Variants in ROCK2 observed in about 807,000 individuals in gnomAD.
ROCK2 encodes Rho associated coiled-coil containing protein kinase 2, also known as rho-associated protein kinase 2.
ROCK2 carries 61 observed loss-of-function variants against 195.1 expected under a neutral mutation model. The ratio of observed to expected loss-of-function variants is 0.31; its 90% CI spans 0.25 to 0.39. The LOEUF is 0.39. Among genes scored for constraint, ROCK2 ranks in the 10% least tolerant of loss-of-function variants. ROCK2 has a pLI of 1.00. For missense variants in ROCK2, 1,109 were observed against 1,637.4 expected, an observed-to-expected ratio of 0.68 and a Z score of 5.57; for synonymous variants, 504 against 545.5, an observed-to-expected ratio of 0.92 and a Z score of 1.06.
Position 11,215,536 on chromosome 2 carries a change from T to C in ROCK2, c.1571A>G (p.Asp524Gly). 1 of 1,611,488 alleles carries C rather than the reference T, an allele frequency of 6.2e-7. No individual in the cohort carries two copies. The highest frequency in any genetic ancestry group is 8.5e-7 in the Non-Finnish European group (1 of 1,179,384). Residue 524 changes from aspartate (D) to glycine (G), a missense_variant, in exon 14 of 33, where the codon GAC (aspartate) becomes GGC (glycine). Transcript: ENST00000315872. ...ATCATTTTCCAAATTTCGTTTTTTGTCTGCTTCATGATCAGCTTTCCTCTG... is the reference window on the plus strand; with the variant it reads ...ATCATTTTCCAAATTTCGTTTTTTGCCTGCTTCATGATCAGCTTTCCTCTG... Reference protein sequence around the residue: ...EYQRKADHEADKKRNLENDVN... With the variant: ...EYQRKADHEAGKKRNLENDVN...
intron 7 of ROCK2, 67 bp downstream of exon 7, chr2:11,224,255 G>C: frequency 1.4e-6 from 2 of 1,397,780 alleles, no homozygotes; most frequent in Non-Finnish European, 2.0e-6. Context: ...TAATAAGCTA[G>C]GCATGCTTTT....
intron 1 of ROCK2, among the ~76,000 whole-genome samples, chr2:11,299,091 ACT>A (rs1408942087): frequency 6.6e-6 from 1 of 151,702 alleles, no homozygotes; most frequent in African/African-American, 2.4e-5. Context: ...ACATGGCTAA[ACT>A]CTGTCTCTAC....
At chr2:11,296,952 T>C (rs1241171552) in intron 1 of ROCK2, among the ~76,000 whole-genome samples, 2 of 152,160 alleles carry the variant, frequency 1.3e-5, no homozygotes, top group African/African-American at 2.4e-5. Context: ...TTCAGTCTTA[T>C]TTTAAGTTTA....
chr2:11,339,764 A>G (rs1050756829), intron 1 of ROCK2, among the ~76,000 whole-genome samples: 1 of 152,212 alleles, frequency 6.6e-6, no homozygotes, highest in African/African-American at 2.4e-5. Context: ...AGATACACAC[A>G]AATGTAGTAA....
At chr2:11,310,037 T>A (rs950323574) in intron 1 of ROCK2, among the ~76,000 whole-genome samples, 5 of 152,178 alleles carry the variant, frequency 3.3e-5, no homozygotes, top group African/African-American at 1.2e-4. Context: ...TTTGAGAGAT[T>A]TCTATGAATG....
rs201356070 is a variant in ROCK2, at chr2:11,185,586, GGGCATGGT to G, written c.4164-2154_4164-2147del. Among the ~76,000 whole-genome samples, 297 of 152,110 alleles carry G rather than the reference GGGCATGGT, an allele frequency of 2.0e-3. 9 individuals are homozygous for G. In the East Asian group the frequency reaches 0.047, roughly 24 times the overall value. On this transcript the variant is annotated intron_variant, in intron 32 of 32. Transcript: ENST00000315872. ...TCTACTAAAAATACAAAAATTAGCT[GGGCATGGT>G]GGCAGGTGCCTGTAATCACAGCTAC...
intron 1 of ROCK2, among the ~76,000 whole-genome samples, chr2:11,298,056 T>C (rs73915156): frequency 0.023 from 3,442 of 152,274 alleles, 60 homozygotes; most frequent in East Asian, 0.053. Flanking sequence ...GGTTCTCAGA[T>C]TGTAAAAATT....
chr2:11,187,434 C>A (rs55710279), intron 32 of ROCK2, among the ~76,000 whole-genome samples: 1 of 152,144 alleles, frequency 6.6e-6, no homozygotes, highest in Non-Finnish European at 1.5e-5. Context: ...TGTATGTGTA[C>A]GGTCCAGTAC....
At chr2:11,276,139 C>T (rs1477464758) in intron 3 of ROCK2, among the ~76,000 whole-genome samples, 1 of 152,132 alleles carries the variant, frequency 6.6e-6, no homozygotes, top group Non-Finnish European at 1.5e-5. Flanking sequence ...AAAGTTTTTC[C>T]GCTAAGATAA....
intron 17 of ROCK2, among the ~76,000 whole-genome samples, chr2:11,212,831 C>T (rs749201989): frequency 1.6e-4 from 24 of 152,214 alleles, no homozygotes; most frequent in Admixed American, 3.3e-4. Flanking sequence ...ATTTCAGCTA[C>T]TTACATACCA....
At chr2:11,213,404 G>A (rs1664315053) in intron 17 of ROCK2, among the ~76,000 whole-genome samples, 1 of 151,928 alleles carries the variant, frequency 6.6e-6, no homozygotes, top group African/African-American at 2.4e-5. Flanking sequence ...TCTGACCACT[G>A]AATTCCTCAT....
At chr2:11,194,115 A>G in intron 29 of ROCK2, 141 bp downstream of exon 29, 1 of 461,920 alleles carries the variant, frequency 2.2e-6, no homozygotes. Context: ...TGTATCCCAG[A>G]CTTTCATCTG....
intron 1 of ROCK2, among the ~76,000 whole-genome samples, chr2:11,312,119 A>G (rs1005434758): frequency 6.6e-6 from 1 of 152,204 alleles, no homozygotes; most frequent in Admixed American, 6.5e-5. Flanking sequence ...ATTGAAAAAC[A>G]TATTTTTCAT....
intron 11 of ROCK2, 181 bp downstream of exon 11, chr2:11,218,274 A>G (rs1340827705): frequency 4.8e-6 from 2 of 419,550 alleles, no homozygotes; most frequent in Non-Finnish European, 8.4e-6. Context: ...TACATAATAT[A>G]TATTTTAAAC....
In ROCK2 at chr2:11,344,119, C is replaced by T. The variant is rs779745977; in HGVS notation, c.18G>A (p.Pro6=). The change falls in exon 1 of 33, where the codon CCG becomes CCA. Residue 6 remains proline (P), a synonymous_variant. Transcript: ENST00000315872. The surrounding 1 kb of genome is among the most constrained non-coding windows in gnomAD (Gnocchi z 5.4). ...CGGGGGCGCCGGGCATTTTCCCCGT[C>T]GGCGGGGGCCGGCTCATGCCGCCAC... MSRPP[P]TGKMPGAPET... is the part of the protein sequence containing the mutation. The T allele has an allele frequency of 4.7e-6, 7 of 1,474,700 alleles. No homozygotes were observed. The East Asian group carries it at 1.4e-4, about 29-fold the overall frequency. The allele number at this position is 1,474,700 out of a possible 1,614,324, so 91.4% of individuals were successfully genotyped here.
chr2:11,208,702 G>A (rs1399416886), intron 18 of ROCK2, among the ~76,000 whole-genome samples: 6 of 148,658 alleles, frequency 4.0e-5, no homozygotes, highest in African/African-American at 9.9e-5. Context: ...AGCAATTCTC[G>A]TGCCTCGGCC....
rs758688551 is a variant in ROCK2, at chr2:11,221,211, A to G, written c.1246T>C (p.Tyr416His). The G allele has an allele frequency of 1.3e-6, 2 of 1,570,096 alleles. No individual in the cohort carries two copies. Among genetic ancestry groups the G allele is most frequent in the Non-Finnish European group, 1.7e-6 (2 of 1,164,540 alleles). Residue 416 changes from tyrosine to histidine, a missense_variant, in exon 9 of 33, where the codon TAT becomes CAT. Coordinates refer to ENST00000315872, the MANE Select transcript of ROCK2 (RefSeq NM_004850.5). ...NQLPFIGFTYYRENLLLSDSP... is the reference protein window; with the variant it reads ...NQLPFIGFTYHRENLLLSDSP... ...TAAACCACATACAAATTTTCTCTAT[A>G]GTAGGTAAATCCGATGAAAGGCAGC...
intron 32 of ROCK2, 45 bp from the exon 33 acceptor site, chr2:11,183,485 T>C (rs1286032254): frequency 7.1e-7 from 1 of 1,409,210 alleles, no homozygotes; most frequent in East Asian, 2.3e-5. Flanking sequence ...AGTGAAATAA[T>C]TTAAGAGTGT....
intron 27 of ROCK2, 41 bp from the exon 28 acceptor site, chr2:11,195,066 C>A: frequency 9.3e-7 from 1 of 1,079,362 alleles, no homozygotes; most frequent in Non-Finnish European, 1.3e-6. Context: ...GATAACAATT[C>A]TCCTTAGATA....
Sources: gnomAD v4.1 joint callset for allele counts (sites outside exome capture counted in the v4.1 genomes callset) on GRCh38, gnomAD v4.1.1 for gene constraint, Gnocchi (gnomAD v3.1) non-coding constraint, MANE v1.5 for transcripts, NCBI Gene and HGNC (gene_info 2026-07-23, HGNC 2026-07-21) for gene names.